Variants in DYRK1A observed in about 807,000 individuals in gnomAD.
DYRK1A encodes dual specificity tyrosine-phosphorylation-regulated kinase 1A.
DYRK1A carries 9 observed loss-of-function variants against 79.7 expected under a neutral mutation model. The observed-to-expected ratio is 0.11, with a 90% CI of 0.07 to 0.20. The LOEUF (loss-of-function observed/expected upper bound fraction) is 0.20. Among genes scored for constraint, DYRK1A ranks in the 10% least tolerant of loss-of-function variants. The probability of loss-of-function intolerance (pLI) is 1.00; values close to 1 mark genes in which losing one functional copy is unlikely to be tolerated. For synonymous variants in DYRK1A, 349 were observed against 329.7 expected (o/e 1.06, Z -0.63); for missense variants, 622 against 956.0 (o/e 0.65, Z 4.61).
At chr21:37,366,509 C>G (rs866089569), upstream of DYRK1A, among the ~76,000 whole-genome samples, 2 of 149,560 alleles carry the variant, frequency 1.3e-5, no homozygotes, top group Middle Eastern at 3.2e-3. Flanking sequence ...CTCGGCCTAG[C>G]CGTCCCCCTC....
At chr21:37,413,817 TAAGC>T (rs1049792992) in intron 1 of DYRK1A, among the ~76,000 whole-genome samples, 1 of 152,146 alleles carries the variant, frequency 6.6e-6, no homozygotes, top group Non-Finnish European at 1.5e-5. Flanking sequence ...AGAACATCCT[TAAGC>T]AAGCATATCA....
In DYRK1A at chr21:37,512,363, C is replaced by T; in HGVS notation, c.2097C>T (p.Pro699=). 2 of 1,614,232 alleles carry T rather than the reference C, an allele frequency of 1.2e-6. No individual in the cohort carries two copies. Among genetic ancestry groups the T allele is most frequent in the Non-Finnish European group, 1.7e-6 (2 of 1,180,046 alleles). ...MDVNLTVYSN[P]RQETGIAGHP... ...TTAATTTGACCGTCTACTCCAATCC[C>T]CGCCAAGAGACTGGCATAGCTGGAC... The change falls in exon 12 of 12, where the codon CCC becomes CCT. Residue 699 remains proline, a synonymous_variant. Coordinates refer to ENST00000647188, the MANE Select transcript of DYRK1A (RefSeq NM_001347721.2).
At chr21:37,455,581 T>C (rs1569338073) in intron 2 of DYRK1A, among the ~76,000 whole-genome samples, 1 of 152,156 alleles carries the variant, frequency 6.6e-6, no homozygotes, top group African/African-American at 2.4e-5. Context: ...AAACAGGTTT[T>C]GAAGTCCTGT....
intron 1 of DYRK1A, among the ~76,000 whole-genome samples, chr21:37,388,483 T>C (rs1161081446): frequency 6.6e-6 from 1 of 152,200 alleles, no homozygotes; most frequent in East Asian, 1.9e-4. Context: ...TAGCACCAAT[T>C]CCTTTGTCAT....
chr21:37,402,743 T>C (rs147183400), intron 1 of DYRK1A, among the ~76,000 whole-genome samples: 2 of 152,132 alleles, frequency 1.3e-5, no homozygotes, highest in East Asian at 3.9e-4. Flanking sequence ...TTTAGACAAT[T>C]TTCTTTCCCT....
intron 2 of DYRK1A, among the ~76,000 whole-genome samples, chr21:37,420,943 G>A (rs998384455): frequency 8.5e-5 from 13 of 152,192 alleles, no homozygotes; most frequent in Admixed American, 3.9e-4. Flanking sequence ...AGAAGAAGCA[G>A]TGTGAAGGCA....
chr21:37,449,502 C>T (rs954648035), intron 2 of DYRK1A, among the ~76,000 whole-genome samples: 2 of 152,114 alleles, frequency 1.3e-5, no homozygotes, highest in East Asian at 1.9e-4. Flanking sequence ...ATGGGTCAGA[C>T]GTGGTAGTGG....
At chr21:37,450,914 T>TTCAG (rs34782148) in intron 2 of DYRK1A, among the ~76,000 whole-genome samples, 54,891 of 151,786 alleles carry the variant, frequency 0.36, 10,756 homozygotes, top group African/African-American at 0.52. Flanking sequence ...CAAATAACAT[T>TTCAG]TCAGTGTTGG....
At chr21:37,428,784 A>G (rs188251668) in intron 2 of DYRK1A, 1 of 152,330 alleles carries the variant, frequency 6.6e-6, no homozygotes, top group East Asian at 1.9e-4. Flanking sequence ...AAAAGTTATC[A>G]TTGCTTAAGA....
chr21:37,392,230 A>G (rs553974941), intron 1 of DYRK1A, among the ~76,000 whole-genome samples: 26 of 152,344 alleles, frequency 1.7e-4, no homozygotes, highest in African/African-American at 5.8e-4. Flanking sequence ...TTTTGGGGCA[A>G]GTCTTCTGTA....
chr21:37,470,417 C>A (rs981584936), intron 2 of DYRK1A, among the ~76,000 whole-genome samples: 3 of 152,110 alleles, frequency 2.0e-5, no homozygotes, highest in Non-Finnish European at 4.4e-5. Flanking sequence ...AAAACAGAAG[C>A]TAACATTTTT....
Position 37,420,340 on chromosome 21 carries a change from C to G in DYRK1A, c.-35C>G. ...CTGGACTCTTCCCTCCCTTCCCCCA[C>G]CCCATCAGGATGATATGAGACTTGA... On this transcript the variant is annotated 5_prime_UTR_variant, in exon 2 of 12. Transcript: ENST00000647188. 6 of 1,608,028 alleles carry G rather than the reference C, an allele frequency of 3.7e-6. No homozygotes were observed. Among genetic ancestry groups the G allele is most frequent in the Non-Finnish European group, 5.1e-6 (6 of 1,175,962 alleles).
intron 2 of DYRK1A, among the ~76,000 whole-genome samples, chr21:37,437,006 C>T (rs1305888224): frequency 6.6e-6 from 1 of 152,008 alleles, no homozygotes; most frequent in Non-Finnish European, 1.5e-5. Context: ...TTCATATGGT[C>T]TTGAGGAATG....
At chr21:37,469,791 G>C (rs568143490) in intron 2 of DYRK1A, among the ~76,000 whole-genome samples, 1 of 152,110 alleles carries the variant, frequency 6.6e-6, no homozygotes, top group African/African-American at 2.4e-5. Context: ...TCCTACCGGG[G>C]CCCTCCTCCA....
rs569578094 is a variant in DYRK1A, at chr21:37,500,409, A to G, written c.1212+4151A>G. On this transcript the variant is annotated intron_variant, in intron 9 of 11. Coordinates refer to ENST00000647188, the MANE Select transcript of DYRK1A (RefSeq NM_001347721.2). ...TAAGGAATTTTGTTTCTATGTCATT[A>G]ATGGATATTTGCATAACATTTTATT... Among the ~76,000 whole-genome samples, 261 of 152,310 alleles carry G rather than the reference A, an allele frequency of 1.7e-3. 2 individuals carry two copies. The highest frequency in any genetic ancestry group is 5.8e-3 in the Admixed American group (88 of 15,302).
In DYRK1A at chr21:37,519,736, G is replaced by GTTTTTTTTGT. The variant is rs58947386; in HGVS notation, c.*7213_*7214insGTTTTTTTTT. 36 of 85,794 alleles carry GTTTTTTTTGT rather than the reference G, an allele frequency of 4.2e-4. No homozygotes were observed. The highest frequency in any genetic ancestry group is 1.7e-3 in the African/African-American group (36 of 20,606). 5.3% of individuals were successfully genotyped at this position (85,794 alleles called of 1,614,324 possible). ...AGAGTTTTGAGGTTTGTTGTGGGAAGTTTTTTTTTTTTTTTTTTTTTTTGA... is the reference window on the plus strand; with the variant it reads ...AGAGTTTTGAGGTTTGTTGTGGGAAGTTTTTTTTGTTTTTTTTTTTTTTTTTTTTTTTTGA... On this transcript the variant is annotated 3_prime_UTR_variant, in exon 12 of 12. Transcript: ENST00000647188.
intron 2 of DYRK1A, among the ~76,000 whole-genome samples, chr21:37,425,250 C>T (rs2050585561): frequency 1.3e-5 from 2 of 152,094 alleles, no homozygotes; most frequent in African/African-American, 4.8e-5. Context: ...ACAGGAAGTG[C>T]TCAGCAAATG....
chr21:37,480,737 G>A lies in DYRK1A; in HGVS notation c.400G>A (p.Asp134Asn). 1.2e-6 allele frequency: 2 copies of A among 1,612,890 alleles called. No individual in the cohort carries two copies. Among genetic ancestry groups the A allele is most frequent in the Non-Finnish European group, 1.7e-6 (2 of 1,179,416 alleles). The change falls in exon 5 of 12, where the codon GAT (aspartate) becomes AAT (asparagine). Residue 134 changes from aspartate (D) to asparagine (N), a missense_variant. Physicochemically the swap from Asp to Asn is conservative, Grantham distance 23. This residue lies in a region of DYRK1A where 138 missense variants were observed against 346.4 expected (regional missense o/e 0.40). Transcript: ENST00000647188. ...GGTTTACAATGATGGTTATGATGATGATAACTATGATTATATTGTAAAAAA... is the reference window on the plus strand; with the variant it reads ...GGTTTACAATGATGGTTATGATGATAATAACTATGATTATATTGTAAAAAA... ...RKVYNDGYDD[D>N]NYDYIVKNGE...
intron 5 of DYRK1A, chr21:37,481,204 C>G (rs192888307): frequency 6.4e-6 from 1 of 155,330 alleles, no homozygotes; most frequent in East Asian, 1.9e-4. Flanking sequence ...AAAGAATTAC[C>G]ATGTTCAGGT....
Sources: gnomAD v4.1 joint callset for allele counts (sites outside exome capture counted in the v4.1 genomes callset) on GRCh38, gnomAD v4.1.1 for gene constraint, gnomAD v4.1.1 regional missense constraint, MANE v1.5 for transcripts, NCBI Gene and HGNC (gene_info 2026-07-23, HGNC 2026-07-21) for gene names.